The following GPR89B variants were observed in gnomAD, a reference collection of about 807,000 sequenced individuals.
The protein encoded by GPR89B is G protein-coupled receptor 89B.
Under a neutral mutation model 52.4 loss-of-function variants are expected in GPR89B, and 25 were observed. The observed-to-expected ratio is 0.48, with a 90% CI of 0.35 to 0.67. GPR89B has a LOEUF of 0.67. GPR89B is among the 30% of genes least tolerant of loss of function. The probability of loss-of-function intolerance (pLI) is 0.01; values close to 1 mark genes in which losing one functional copy is unlikely to be tolerated. For synonymous variants in GPR89B, 52 were observed against 151.2 expected (o/e 0.34, Z 4.81); for missense variants, 146 against 450.2 (o/e 0.32, Z 6.11).
At chr1:147,958,384 C>T (rs1156908584) in intron 7 of GPR89B, among the ~76,000 whole-genome samples, 4 of 151,010 alleles carry the variant, frequency 2.6e-5, no homozygotes, top group Admixed American at 6.6e-5. Context: ...AAGTCATGAC[C>T]GGGTACTCAT....
At chr1:147,950,150 G>A (rs1353504669) in intron 5 of GPR89B, among the ~76,000 whole-genome samples, 1 of 150,894 alleles carries the variant, frequency 6.6e-6, no homozygotes, top group Non-Finnish European at 1.5e-5. Flanking sequence ...GGTGGCTGCC[G>A]GGCGGAGGGG....
At chr1:147,930,646 A>C (rs1653506665) in intron 1 of GPR89B, among the ~76,000 whole-genome samples, 1 of 152,016 alleles carries the variant, frequency 6.6e-6, no homozygotes, top group South Asian at 2.1e-4. Context: ...TTTTGTATTA[A>C]CTGAAAGGTT....
intron 10 of GPR89B, among the ~76,000 whole-genome samples, chr1:147,984,349 CTTT>C (rs1363679209): frequency 3.4e-5 from 5 of 146,406 alleles, no homozygotes; most frequent in African/African-American, 1.3e-4. Context: ...AAAATAAAAA[CTTT>C]TTTATTATAG....
the GPR89B span, among the ~76,000 whole-genome samples, chr1:148,025,324 C>T: frequency 1.3e-5 from 2 of 151,672 alleles, no homozygotes; most frequent in Non-Finnish European, 2.9e-5. Flanking sequence ...TTCTTCCTGG[C>T]CCCACCACCA....
chr1:147,968,249 A>C (rs1356896485), intron 8 of GPR89B: 56 of 453,854 alleles, frequency 1.2e-4, no homozygotes, highest in African/African-American at 9.6e-4. Flanking sequence ...CGGAAAGAGC[A>C]GGCTTTGGAG....
At chr1:147,944,769 T>G (rs1654817476) in intron 5 of GPR89B, among the ~76,000 whole-genome samples, 1 of 133,502 alleles carries the variant, frequency 7.5e-6, no homozygotes, top group South Asian at 2.6e-4. Context: ...AGCTAACAAG[T>G]CCTTCCAGAA....
intron 10 of GPR89B, among the ~76,000 whole-genome samples, chr1:147,970,491 ATCTCTCTCTCTCTC>A (rs1174595676): frequency 0.043 from 4,601 of 105,892 alleles, 113 homozygotes; most frequent in African/African-American, 0.15. Context: ...GTGAGACTCC[ATCTCTCTCTCTCTC>A]TCTCTCTCTC....
chr1:147,956,729 T>C (rs1656140072), intron 7 of GPR89B, among the ~76,000 whole-genome samples: 2 of 151,256 alleles, frequency 1.3e-5, no homozygotes, highest in African/African-American at 4.9e-5. Context: ...GAATGGAATA[T>C]TGTCTATTGT....
chr1:147,981,395 G>A (rs1658242629), intron 10 of GPR89B, among the ~76,000 whole-genome samples: 2 of 149,140 alleles, frequency 1.3e-5, no homozygotes, highest in Admixed American at 6.7e-5. Context: ...CCAGCTACTC[G>A]GGAGGCTGAG....
intron 7 of GPR89B, among the ~76,000 whole-genome samples, chr1:147,958,289 A>G (rs1484646389): frequency 5.3e-5 from 8 of 152,162 alleles, no homozygotes; most frequent in East Asian, 1.9e-4. Flanking sequence ...AGATTTATAT[A>G]AACAATACTA....
chr1:148,016,280 CT>C, the GPR89B span, among the ~76,000 whole-genome samples: 1 of 68,370 alleles, frequency 1.5e-5, no homozygotes, highest in East Asian at 3.4e-4. Context: ...AATGTCCTTA[CT>C]TCACTTCCAG....
At chr1:147,948,117 A>C (rs1655165381) in intron 5 of GPR89B, among the ~76,000 whole-genome samples, 1 of 151,236 alleles carries the variant, frequency 6.6e-6, no homozygotes, top group Admixed American at 6.6e-5. Flanking sequence ...CAAGGAGTGA[A>C]CAGGTTGCTG....
chr1:147,986,546 G>A (rs1411934796), intron 11 of GPR89B, among the ~76,000 whole-genome samples: 6 of 152,018 alleles, frequency 3.9e-5, no homozygotes, highest in South Asian at 2.1e-4. Context: ...ATATTGTCAC[G>A]GATGCTGATT....
At chr1:147,940,170 A>G (rs1436785710) in intron 3 of GPR89B, among the ~76,000 whole-genome samples, 27 of 152,048 alleles carry the variant, frequency 1.8e-4, no homozygotes, top group South Asian at 4.1e-4. Flanking sequence ...TTGGGAGGCC[A>G]AGGCGGGCGG....
chr1:148,005,609 T>C, the GPR89B span: 2 of 1,166,980 alleles, frequency 1.7e-6, no homozygotes, highest in Non-Finnish European at 1.2e-6. Flanking sequence ...AGTCCTGTGA[T>C]TGCCTCCCGA....
intron 7 of GPR89B, among the ~76,000 whole-genome samples, chr1:147,966,149 G>T (rs1657021850): frequency 6.6e-6 from 1 of 151,818 alleles, no homozygotes; most frequent in Non-Finnish European, 1.5e-5. Flanking sequence ...ACCCAGCCAG[G>T]TATGTTAGCT....
At chr1:148,024,946 C>A in the GPR89B span, among the ~76,000 whole-genome samples, 2 of 151,952 alleles carry the variant, frequency 1.3e-5, no homozygotes, top group African/African-American at 4.9e-5. Context: ...GTCTAAAAAT[C>A]TTTGAGTTTT....
chr1:147,970,529 C>CTA (rs1657366591), intron 10 of GPR89B, among the ~76,000 whole-genome samples: 3 of 141,568 alleles, frequency 2.1e-5, no homozygotes, highest in South Asian at 2.1e-4. Context: ...CTCTCTCTCT[C>CTA]TCTCTATCTC....
intron 5 of GPR89B, among the ~76,000 whole-genome samples, chr1:147,950,919 C>T (rs1475500969): frequency 1.3e-5 from 2 of 151,452 alleles, no homozygotes; most frequent in African/African-American, 2.4e-5. Context: ...AGTGGGAGAC[C>T]GTGGAAAGAG....
Sources: gnomAD v4.1 joint callset for allele counts (sites outside exome capture counted in the v4.1 genomes callset) on GRCh38, gnomAD v4.1.1 for gene constraint, MANE v1.5 for transcripts, NCBI Gene and HGNC (gene_info 2026-07-23, HGNC 2026-07-21) for gene names.